The following MAP7D3 variants were observed in gnomAD, a reference collection of about 807,000 sequenced individuals.
The protein encoded by MAP7D3 is MAP7 domain-containing protein 3.
A neutral mutation model predicts 62.2 loss-of-function variants in MAP7D3; 45 were observed. The ratio of observed to expected loss-of-function variants is 0.72; its 90% confidence interval spans 0.57 to 0.93. MAP7D3 has a LOEUF of 0.93. Among genes scored for constraint, MAP7D3 ranks in the 40% least tolerant of loss-of-function variants. MAP7D3 has a pLI of 0.00. For missense variants in MAP7D3, 711 were observed against 683.1 expected (o/e 1.04, Z -0.45); for synonymous variants, 288 against 248.8 (o/e 1.16, Z -1.48).
intron 13 of MAP7D3, 65 bp from the exon 14 acceptor site, chrX:136,224,945 G>A: frequency 1.3e-6 from 1 of 751,163 alleles, no homozygotes; most frequent in Non-Finnish European, 2.0e-6. Flanking sequence ...TTGTCCTAAA[G>A]GAGTTGATTA....
At chrX:136,239,112 CT>C (rs2074360269) in intron 6 of MAP7D3, among the ~76,000 whole-genome samples, 1 of 111,748 alleles carries the variant, frequency 8.9e-6, no homozygotes, top group African/African-American at 3.2e-5. Flanking sequence ...AAGAACATTC[CT>C]TTTTTTCCTC....
At position 136,251,362 on chromosome X, in the gene MAP7D3, A is replaced by G. The variant is rs1251132312; in HGVS notation, c.-4T>C. 3.6e-6 allele frequency: 4 copies of G among 1,106,944 alleles called. No individual in the cohort carries two copies. The East Asian group carries it at 1.6e-4, about 43-fold the overall frequency. 91.2% of individuals were successfully genotyped at this position (1,106,944 alleles called of 1,213,427 possible). ...CTGCGGCGCCGTCCGCCATCATCGG[A>G]GTCGGGACCGGAGGCGGTGGTGGCT... On this transcript the variant is annotated 5_prime_UTR_variant, in exon 1 of 19. Coordinates refer to ENST00000316077, the MANE Select transcript of MAP7D3 (RefSeq NM_024597.4).
At chrX:136,241,695 C>T (rs896559690) in intron 4 of MAP7D3, among the ~76,000 whole-genome samples, 10 of 110,672 alleles carry the variant, frequency 9.0e-5, no homozygotes, top group Non-Finnish European at 7.6e-5. Flanking sequence ...TTTAAGTCAC[C>T]TTAAATTCTT....
At chrX:136,233,474 A>G (rs985973630) in intron 7 of MAP7D3, among the ~76,000 whole-genome samples, 13 of 107,506 alleles carry the variant, frequency 1.2e-4, no homozygotes, top group Non-Finnish European at 2.3e-4. Flanking sequence ...GGGTTTCACC[A>G]TGTTGGCCAG....
chrX:136,251,594 C>T (rs2074515219), upstream of MAP7D3: 1 of 804,067 alleles, frequency 1.2e-6, no homozygotes, highest in African/African-American at 2.2e-5. Flanking sequence ...AAACCCTCTC[C>T]TATGTTCCGT....
rs1181073827 is a variant in MAP7D3 at position 136,218,284 on chromosome X, T to A, written c.*242A>T. ...ACAAAAACCACTCTTTACTTAGAACTCTTGCTTAGACACAAGAGAATAAGA... is the reference window on the plus strand; with the variant it reads ...ACAAAAACCACTCTTTACTTAGAACACTTGCTTAGACACAAGAGAATAAGA... On this transcript the variant is annotated 3_prime_UTR_variant, in exon 19 of 19. Coordinates refer to ENST00000316077, the MANE Select transcript of MAP7D3 (RefSeq NM_024597.4). 9.0e-6 allele frequency: 1 copy of A among 111,585 alleles called. No homozygotes were observed. Among genetic ancestry groups the A allele is most frequent in the African/African-American group, 3.3e-5 (1 of 30,722 alleles). 9.2% of individuals were successfully genotyped at this position (111,585 alleles called of 1,213,427 possible).
At chrX:136,252,212 G>T (rs1380282451), upstream of MAP7D3, among the ~76,000 whole-genome samples, 4 of 111,144 alleles carry the variant, frequency 3.6e-5, no homozygotes, top group African/African-American at 1.3e-4. Context: ...TAAGTGTGGT[G>T]CAGGAGATCC....
rs746488969 is a variant in MAP7D3 at position 136,231,858 on chromosome X, C to A, written c.1099G>T (p.Glu367Ter). Residue 367 changes from glutamate (E) to a stop codon, truncating the protein, a stop_gained, in exon 8 of 19, where the codon GAA (glutamate) becomes TAA (stop). Transcript: ENST00000316077. LOFTEE classifies it high-confidence loss of function. ...TCCAGGTCCACCTTCGGGAGTGCTTCTATGCTCAACTCGGGGGATGCGTCC... is the reference window on the plus strand; with the variant it reads ...TCCAGGTCCACCTTCGGGAGTGCTTATATGCTCAACTCGGGGGATGCGTCC... ...SMDASPELSI[E>*]ALPKVDLETV... 1 of 1,211,784 alleles carries A rather than the reference C, an allele frequency of 8.3e-7. No individual in the cohort carries two copies. Among genetic ancestry groups the A allele is most frequent in the Non-Finnish European group, 1.1e-6 (1 of 895,515 alleles).
chrX:136,247,240 T>C, intron 1 of MAP7D3, among the ~76,000 whole-genome samples: 2 of 112,432 alleles, frequency 1.8e-5, no homozygotes, highest in South Asian at 7.3e-4. Context: ...TGAGTTATTA[T>C]AGGGGAATCC....
intron 7 of MAP7D3, 77 bp from the exon 8 acceptor site, chrX:136,232,297 G>T: frequency 1.5e-6 from 1 of 654,501 alleles, no homozygotes. Flanking sequence ...CACAGTATAA[G>T]AACAGGAACA....
At position 136,227,484 on chromosome X, in the gene MAP7D3, G is replaced by C. The variant is rs1032579500; in HGVS notation, c.1887-53C>G. On this transcript the variant is annotated intron_variant, in intron 11 of 18. Transcript: ENST00000316077. ...TTTATCTTGATTGCTATCATACTCAGCTTGCACTAGTGAGTTTTTATAGTG... is the reference window on the plus strand; with the variant it reads ...TTTATCTTGATTGCTATCATACTCACCTTGCACTAGTGAGTTTTTATAGTG... 7.5e-6 allele frequency: 7 copies of C among 932,332 alleles called. No individual in the cohort carries two copies. In the Admixed American group the frequency reaches 1.8e-4, roughly 24 times the overall value. The allele number at this position is 932,332 out of a possible 1,213,427, so 76.8% of individuals were successfully genotyped here. A position where few individuals can be genotyped will look rare whatever the true frequency, so the allele number is the denominator to read the frequency against.
intron 15 of MAP7D3, 92 bp downstream of exon 15, chrX:136,222,301 G>C (rs1419454963): frequency 7.8e-6 from 5 of 640,122 alleles, no homozygotes; most frequent in Non-Finnish European, 1.2e-5. Flanking sequence ...AGCACAGAAA[G>C]GTTAAGTGAC....
intron 8 of MAP7D3, chrX:136,231,209 A>C (rs1256020290): frequency 3.0e-6 from 1 of 332,839 alleles, no homozygotes; most frequent in Non-Finnish European, 5.1e-6. Flanking sequence ...ATTATCCTTC[A>C]AAACCAAACT....
upstream of MAP7D3, among the ~76,000 whole-genome samples, chrX:136,255,547 C>G (rs909455485): frequency 1.8e-5 from 2 of 111,463 alleles, no homozygotes; most frequent in Non-Finnish European, 3.8e-5. Flanking sequence ...CTCATTGACT[C>G]TAAACTAATG....
chrX:136,244,804 T>C lies in MAP7D3; in HGVS notation c.254-9A>G. 2.6e-6 allele frequency: 3 copies of C among 1,171,219 alleles called. No homozygotes were observed. The highest frequency in any genetic ancestry group is 3.4e-6 in the Non-Finnish European group (3 of 870,257). On this transcript the variant is annotated splice_polypyrimidine_tract_variant and intron_variant, in intron 3 of 18. Coordinates refer to ENST00000316077, the MANE Select transcript of MAP7D3 (RefSeq NM_024597.4). ...TTGTGTTTCTTTATTGGCTGAAATA[T>C]TCCAAATACATTTTCAAGGTGTAAG...
chrX:136,219,097 C>T (rs1315834757), intron 18 of MAP7D3, among the ~76,000 whole-genome samples: 2 of 112,473 alleles, frequency 1.8e-5, no homozygotes, highest in South Asian at 3.7e-4. Flanking sequence ...GTGATCTGCC[C>T]GCCTTGGCCT....
Position 136,230,933 on chromosome X carries a change from T to C in MAP7D3, c.1447A>G (p.Ile483Val), listed in dbSNP as rs757594551. The C allele has an allele frequency of 3.4e-5, 41 of 1,196,893 alleles. No homozygotes were observed. The highest frequency in any genetic ancestry group is 4.6e-5 in the Non-Finnish European group (41 of 884,226). Reference protein sequence around the residue: ...SEMDKQALIPIAKKRLSSYTE... With the variant: ...SEMDKQALIPVAKKRLSSYTE... The stretch of plus-strand genomic sequence containing the variant: ...TATGATGATAGACGCTTCTTGGCAA[T>C]AGGGATTAAGGCCTGTTTGTCCATT... The change falls in exon 9 of 19, where the codon ATT (isoleucine) becomes GTT (valine). Residue 483 changes from isoleucine (I) to valine (V), a missense_variant. Ile to Val is a conservative substitution (Grantham distance 29). Transcript: ENST00000316077.
At chrX:136,233,489 G>T (rs910470479) in intron 7 of MAP7D3, among the ~76,000 whole-genome samples, 2 of 108,094 alleles carry the variant, frequency 1.9e-5, no homozygotes, top group Non-Finnish European at 1.9e-5. Context: ...GGCCAGTCTG[G>T]TCTTGAACTC....
At chrX:136,241,039 T>C in intron 5 of MAP7D3, 121 bp downstream of exon 5, 2 of 409,452 alleles carry the variant, frequency 4.9e-6, no homozygotes, top group Non-Finnish European at 4.3e-6. Context: ...ATTTACTATA[T>C]ACAGTATTTT....
Sources: allele counts gnomAD v4.1 joint callset (sites outside exome capture counted in the v4.1 genomes callset), GRCh38; gene constraint gnomAD v4.1.1; transcripts MANE v1.5; gene names NCBI Gene and HGNC (gene_info 2026-07-23, HGNC 2026-07-21).